Variants in ACYP2 observed in about 807,000 individuals in gnomAD.
ACYP2 encodes the protein acylphosphatase-2.
A neutral mutation model predicts 11.2 loss-of-function variants in ACYP2; 12 were observed. That is an observed-to-expected ratio of 1.08 (90% CI 0.69 to 1.74). The LOEUF is 1.74. ACYP2 is among the 40% of genes most tolerant of loss of function. ACYP2 has a pLI of 0.00. For synonymous variants in ACYP2, 43 were observed against 32.2 expected (o/e 1.33, Z -1.13); for missense variants, 134 against 101.9 (o/e 1.31, Z -1.35).
chr2:54,169,457 A>AT (rs112372558), intron 6 of ACYP2, among the ~76,000 whole-genome samples: 3,648 of 149,156 alleles, frequency 0.024, 128 homozygotes, highest in African/African-American at 0.079. Context: ...AGCCTCTAGA[A>AT]TTTTTTTTTT....
At chr2:54,013,451 C>T (rs1012537470) in intron 2 of ACYP2, among the ~76,000 whole-genome samples, 40 of 152,018 alleles carry the variant, frequency 2.6e-4, no homozygotes, top group African/African-American at 9.2e-4. Flanking sequence ...GAGGCATGCA[C>T]TACCATGCCC....
At chr2:54,039,214 G>A (rs1410558377) in intron 2 of ACYP2, among the ~76,000 whole-genome samples, 1 of 140,116 alleles carries the variant, frequency 7.1e-6, no homozygotes, top group Admixed American at 7.1e-5. Context: ...AATATCTTTG[G>A]AAGTTTTTTT....
At chr2:54,163,856 CAA>C (rs565110011) in intron 6 of ACYP2, among the ~76,000 whole-genome samples, 1 of 145,236 alleles carries the variant, frequency 6.9e-6, no homozygotes, top group Non-Finnish European at 1.5e-5. Flanking sequence ...AACTCTGTCT[CAA>C]AAAAAAAAAG....
intron 6 of ACYP2, among the ~76,000 whole-genome samples, chr2:54,191,749 G>T (rs1333940126): frequency 6.6e-6 from 1 of 152,106 alleles, no homozygotes; most frequent in Non-Finnish European, 1.5e-5. Flanking sequence ...ATGTCCCCTT[G>T]TTGAAGATTT....
At position 54,134,070 on chromosome 2, in the gene ACYP2, C is replaced by A. The variant is rs1263649132; in HGVS notation, c.278-1383C>A. Among the ~76,000 whole-genome samples the A allele has an allele frequency of 4.6e-5, 7 of 151,462 alleles. 1 individual carries two copies. The highest frequency in any genetic ancestry group is 1.7e-4 in the African/African-American group (7 of 41,220). ...CAGCCTACATGGTTCAAAGTATTAACATAATGTAATCTACACTATAGAGAT... is the reference window on the plus strand; with the variant it reads ...CAGCCTACATGGTTCAAAGTATTAAAATAATGTAATCTACACTATAGAGAT... On this transcript the variant is annotated intron_variant, in intron 4 of 6. Transcript: ENST00000607452.
intron 6 of ACYP2, among the ~76,000 whole-genome samples, chr2:54,220,327 T>A (rs1230622849): frequency 1.3e-5 from 2 of 152,182 alleles, no homozygotes; most frequent in Non-Finnish European, 2.9e-5. Flanking sequence ...TGAAAACACT[T>A]GTGTGCTTTT....
At position 54,075,039 on chromosome 2, in the gene ACYP2, T is replaced by G. The variant is rs543533641; in HGVS notation, c.277+17679T>G. 4.5e-4 allele frequency among the ~76,000 whole-genome samples: 69 copies of G among 152,290 alleles called. 1 individual carries two copies. In the South Asian group the frequency reaches 0.014, roughly 30 times the overall value. On this transcript the variant is annotated intron_variant, in intron 4 of 6. Coordinates refer to ENST00000607452, the MANE Select transcript of ACYP2 (RefSeq NM_001320586.2). ...ATTATAATGGCCTATTCTTTCTACTTTCTCATTGGTCCTGGTGACTGGATA... is the reference window on the plus strand; with the variant it reads ...ATTATAATGGCCTATTCTTTCTACTGTCTCATTGGTCCTGGTGACTGGATA...
intron 2 of ACYP2, among the ~76,000 whole-genome samples, chr2:54,019,609 T>TTTATTATTA (rs141725920): frequency 0.033 from 4,889 of 148,578 alleles, 113 homozygotes; most frequent in South Asian, 0.076. Flanking sequence ...CCCCTGTGCT[T>TTTATTATTA]TTATTATTAT....
At chr2:54,034,066 T>C (rs1340227458) in intron 2 of ACYP2, among the ~76,000 whole-genome samples, 4 of 152,176 alleles carry the variant, frequency 2.6e-5, no homozygotes, top group African/African-American at 9.7e-5. Context: ...AGCAGGCTTT[T>C]TGGTTTTTGC....
At chr2:54,253,315 T>C (rs952694552) in intron 6 of ACYP2, 1 of 152,240 alleles carries the variant, frequency 6.6e-6, no homozygotes, top group Non-Finnish European at 1.5e-5. Context: ...AAAACTGCCA[T>C]GAATATCCAT....
At chr2:54,207,926 A>T (rs1411576089) in intron 6 of ACYP2, among the ~76,000 whole-genome samples, 1 of 152,204 alleles carries the variant, frequency 6.6e-6, no homozygotes, top group Non-Finnish European at 1.5e-5. Flanking sequence ...CAAAATGTAG[A>T]TTAGAGAGAG....
chr2:53,998,426 G>C lies in ACYP2; in HGVS notation c.62+24616G>C, dbSNP rs1377065198. On this transcript the variant is annotated intron_variant, in intron 2 of 6. Coordinates refer to ENST00000607452, the MANE Select transcript of ACYP2 (RefSeq NM_001320586.2). ...GCATATTAACAGAAAAAGTGAAAGAGGATGATTAATAAACGAATTGGTTGG... is the reference window on the plus strand; with the variant it reads ...GCATATTAACAGAAAAAGTGAAAGACGATGATTAATAAACGAATTGGTTGG... Among the ~76,000 whole-genome samples, 3 of 152,186 alleles carry C rather than the reference G, an allele frequency of 2.0e-5. No individual in the cohort carries two copies. In the East Asian group the frequency reaches 5.8e-4, roughly 29 times the overall value.
At chr2:54,160,649 A>T (rs1257234070) in intron 6 of ACYP2, among the ~76,000 whole-genome samples, 2 of 152,224 alleles carry the variant, frequency 1.3e-5, no homozygotes, top group Non-Finnish European at 2.9e-5. Flanking sequence ...GAAGGCATTG[A>T]GCTGAAAGAG....
intron 4 of ACYP2, among the ~76,000 whole-genome samples, chr2:54,083,182 C>T (rs908824003): frequency 4.6e-5 from 7 of 152,174 alleles, no homozygotes; most frequent in African/African-American, 1.4e-4. Context: ...TGTCGATTCC[C>T]AGCAACAGGA....
chr2:54,239,164 CTAA>C (rs1028254179), intron 6 of ACYP2, among the ~76,000 whole-genome samples: 5 of 152,198 alleles, frequency 3.3e-5, no homozygotes, highest in Admixed American at 6.5e-5. Context: ...CTTGACTCTG[CTAA>C]TAATGTTTTT....
intron 6 of ACYP2, among the ~76,000 whole-genome samples, chr2:54,239,978 C>T (rs1340349135): frequency 1.3e-5 from 2 of 152,172 alleles, no homozygotes; most frequent in Non-Finnish European, 2.9e-5. Flanking sequence ...AAAAATTTTA[C>T]ATATTCTCAC....
intron 6 of ACYP2, among the ~76,000 whole-genome samples, chr2:54,169,655 G>A (rs1041984287): frequency 6.6e-6 from 1 of 152,094 alleles, no homozygotes; most frequent in Non-Finnish European, 1.5e-5. Flanking sequence ...TTGACAAACA[G>A]TGCACAGGAA....
At chr2:54,271,163 T>TC (rs898478715) in intron 6 of ACYP2, among the ~76,000 whole-genome samples, 1 of 152,114 alleles carries the variant, frequency 6.6e-6, no homozygotes, top group African/African-American at 2.4e-5. Flanking sequence ...ATGATAATAG[T>TC]CCCTCCCTAA....
chr2:54,112,043 A>G (rs1679486830), intron 4 of ACYP2, among the ~76,000 whole-genome samples: 1 of 152,226 alleles, frequency 6.6e-6, no homozygotes, highest in Admixed American at 6.5e-5. Flanking sequence ...TGTATTATCT[A>G]TCATATGTAT....
Sources: allele counts gnomAD v4.1 joint callset (sites outside exome capture counted in the v4.1 genomes callset), GRCh38; gene constraint gnomAD v4.1.1; transcripts MANE v1.5; gene names NCBI Gene and HGNC (gene_info 2026-07-23, HGNC 2026-07-21).